PRKCB: variants seen among roughly 807,000 people sequenced by gnomAD.
PRKCB encodes the protein protein kinase C beta type.
PRKCB carries 13 observed loss-of-function variants against 81.5 expected under a neutral mutation model. That is an observed-to-expected ratio of 0.16 (90% CI 0.10 to 0.25). PRKCB has a LOEUF of 0.25. PRKCB is among the 10% of genes least tolerant of loss of function. The probability of loss-of-function intolerance (pLI) is 1.00; values close to 1 mark genes in which losing one functional copy is unlikely to be tolerated. For synonymous variants in PRKCB, 335 were observed against 321.4 expected (o/e 1.04, Z -0.45); for missense variants, 509 against 875.7 (o/e 0.58, Z 5.29).
chr16:24,098,895 G>A (rs978053382), intron 7 of PRKCB: 2 of 152,126 alleles, frequency 1.3e-5, no homozygotes, highest in Admixed American at 6.5e-5. Flanking sequence ...AAGTTCACAC[G>A]GTCATCTTTT....
chr16:24,122,170 A>T (rs2141926824), intron 8 of PRKCB, among the ~76,000 whole-genome samples: 1 of 152,296 alleles, frequency 6.6e-6, no homozygotes, highest in East Asian at 1.9e-4. Flanking sequence ...CTCTTATCAG[A>T]GGTGAGAGAG....
At chr16:23,845,168 G>C (rs1311377909) in intron 2 of PRKCB, among the ~76,000 whole-genome samples, 1 of 152,160 alleles carries the variant, frequency 6.6e-6, no homozygotes, top group Non-Finnish European at 1.5e-5. Context: ...AGAATACAAT[G>C]GTGAATGAAA....
At chr16:24,109,467 C>T (rs1462185740) in intron 7 of PRKCB, among the ~76,000 whole-genome samples, 8 of 104,944 alleles carry the variant, frequency 7.6e-5, no homozygotes, top group South Asian at 3.2e-4. Context: ...ACATCCCAGA[C>T]GGGGCGGCGG....
intron 4 of PRKCB, among the ~76,000 whole-genome samples, chr16:24,034,719 A>G (rs1378860534): frequency 2.0e-5 from 3 of 152,106 alleles, no homozygotes; most frequent in Non-Finnish European, 2.9e-5. Flanking sequence ...CCCATCCTGC[A>G]TAATTGCCCA....
At chr16:23,869,041 A>G (rs1597217978) in intron 2 of PRKCB, 2 of 443,710 alleles carry the variant, frequency 4.5e-6, no homozygotes, top group Admixed American at 4.8e-5. Flanking sequence ...TGTTGTCTCA[A>G]TTATTTGCTC....
At chr16:24,020,976 T>TTTCTTTCTTTCCTTCTTTC (rs1195937545) in intron 3 of PRKCB, among the ~76,000 whole-genome samples, 33 of 96,740 alleles carry the variant, frequency 3.4e-4, no homozygotes, top group African/African-American at 1.1e-3. Context: ...AGACTTTTCT[T>TTTCTTTCTTTCCTTCTTTC]TTTCTTTCTT....
intron 2 of PRKCB, among the ~76,000 whole-genome samples, chr16:23,840,080 T>C (rs1414703963): frequency 6.6e-6 from 1 of 152,062 alleles, no homozygotes; most frequent in Non-Finnish European, 1.5e-5. Flanking sequence ...GTCCCTGAAA[T>C]TGAGATGTTT....
intron 10 of PRKCB, among the ~76,000 whole-genome samples, chr16:24,158,162 G>A (rs1967191995): frequency 6.6e-6 from 1 of 152,214 alleles, no homozygotes; most frequent in African/African-American, 2.4e-5. Context: ...AGTGCAGTTG[G>A]CTGAAGGAAG....
intron 3 of PRKCB, among the ~76,000 whole-genome samples, chr16:24,028,622 G>A (rs548078237): frequency 2.0e-5 from 3 of 152,256 alleles, no homozygotes; most frequent in Admixed American, 6.5e-5. Context: ...GAATCCTTTC[G>A]AGGTTCATGA....
rs116349369 is a variant in PRKCB, at chr16:24,182,500, G to A, written c.1533+1572G>A. Reference sequence around the variant, plus strand: ...CATGCCACTGCACCCCACCCTGGGCGACTGAGCGAGACTCTGTCTCAAAAA... The same window carrying A: ...CATGCCACTGCACCCCACCCTGGGCAACTGAGCGAGACTCTGTCTCAAAAA... On this transcript the variant is annotated intron_variant, in intron 13 of 16. Transcript: ENST00000643927. 9.4e-3 allele frequency among the ~76,000 whole-genome samples: 1,429 copies of A among 152,228 alleles called. 15 individuals are homozygous for A. Among genetic ancestry groups the A allele is most frequent in the African/African-American group, 0.033 (1,358 of 41,534 alleles).
intron 2 of PRKCB, among the ~76,000 whole-genome samples, chr16:23,960,068 C>T (rs1305379721): frequency 2.6e-5 from 4 of 152,054 alleles, no homozygotes; most frequent in African/African-American, 9.7e-5. Context: ...TGTGGAAGCA[C>T]AGGAGGAGAG....
In PRKCB at chr16:24,164,253, G is replaced by C. The variant is rs547940542; in HGVS notation, c.1240-8017G>C. ...TTGCTTCCTCTGGAGACCTCCAGGT[G>C]AATTCTGCACCTCCCACCTAGTCAT... On this transcript the variant is annotated intron_variant, in intron 10 of 16. Coordinates refer to ENST00000643927, the MANE Select transcript of PRKCB (RefSeq NM_002738.7). Among the ~76,000 whole-genome samples the C allele has an allele frequency of 1.1e-3, 162 of 152,270 alleles. 1 individual carries two copies. Among genetic ancestry groups the C allele is most frequent in the South Asian group, 2.7e-3 (13 of 4,826 alleles).
chr16:24,110,708 C>T (rs1966665739), intron 7 of PRKCB, among the ~76,000 whole-genome samples: 1 of 151,612 alleles, frequency 6.6e-6, no homozygotes, highest in East Asian at 1.9e-4. Flanking sequence ...TTTGTAGAGA[C>T]AGGGTCTCGC....
At chr16:24,172,153 G>A (rs372951021) in intron 10 of PRKCB, 117 bp from the exon 11 acceptor site, 1 of 728,528 alleles carries the variant, frequency 1.4e-6, no homozygotes, top group Non-Finnish European at 2.4e-6. Context: ...CAGCAAACAG[G>A]GATCTGTCAG....
At chr16:23,951,656 CA>C (rs1964286581) in intron 2 of PRKCB, among the ~76,000 whole-genome samples, 1 of 146,896 alleles carries the variant, frequency 6.8e-6, no homozygotes, top group African/African-American at 2.5e-5. Context: ...GGGATCAACT[CA>C]TCCTCCCAAC....
At chr16:23,897,244 C>G (rs554969170) in intron 2 of PRKCB, among the ~76,000 whole-genome samples, 1 of 152,248 alleles carries the variant, frequency 6.6e-6, no homozygotes, top group Non-Finnish European at 1.5e-5. Flanking sequence ...CAGGGAGGGA[C>G]GCAGTGGGAA....
intron 16 of PRKCB, among the ~76,000 whole-genome samples, chr16:24,198,865 C>T (rs945831784): frequency 6.6e-6 from 1 of 152,162 alleles, no homozygotes. Flanking sequence ...ATCCCCTTTC[C>T]TCCACTCCTG....
Position 24,172,357 on chromosome 16 carries a change from G to T in PRKCB, c.1327G>T (p.Ala443Ser). 1 of 1,613,524 alleles carries T rather than the reference G, an allele frequency of 6.2e-7. No homozygotes were observed. The highest frequency in any genetic ancestry group is 8.5e-7 in the Non-Finnish European group (1 of 1,179,722). The change falls in exon 11 of 17, where the codon GCT (alanine) becomes TCT (serine). Residue 443 changes from alanine (A) to serine (S), a missense_variant. This residue lies in a region of PRKCB where 106 missense variants were observed against 214.0 expected (regional missense o/e 0.50). Coordinates refer to ENST00000643927, the MANE Select transcript of PRKCB (RefSeq NM_002738.7). ...QQVGRFKEPH[A>S]VFYAAEIAIG... ...AGTCGGCCGGTTCAAGGAGCCCCAT[G>T]CTGTGTAAGTGAGAACTAGTGCTGT...
intron 2 of PRKCB, among the ~76,000 whole-genome samples, chr16:23,859,580 G>A (rs1008512044): frequency 1.3e-5 from 2 of 152,160 alleles, no homozygotes; most frequent in Non-Finnish European, 1.5e-5. Context: ...TCACCTCCCA[G>A]GGTCCTGGGG....
Sources: allele counts gnomAD v4.1 joint callset (sites outside exome capture counted in the v4.1 genomes callset), GRCh38; gene constraint gnomAD v4.1.1; regional missense constraint gnomAD v4.1.1; transcripts MANE v1.5; gene names NCBI Gene and HGNC (gene_info 2026-07-23, HGNC 2026-07-21).